The following DACH2 variants were observed in gnomAD, a reference collection of about 807,000 sequenced individuals.
The protein encoded by DACH2 is dachshund family transcription factor 2.
A neutral mutation model predicts 35.8 loss-of-function variants in DACH2; 17 were observed. The ratio of observed to expected loss-of-function variants is 0.48; its 90% CI spans 0.33 to 0.71. The LOEUF is 0.71. DACH2 is among the 30% of genes least tolerant of loss of function. DACH2 has a pLI of 0.02. For missense variants in DACH2, 469 were observed against 472.7 expected (o/e 0.99, Z 0.07); for synonymous variants, 195 against 177.3 (o/e 1.10, Z -0.79).
chrX:86,262,035 C>T (rs1233268791), intron 1 of DACH2, among the ~76,000 whole-genome samples: 1 of 110,296 alleles, frequency 9.1e-6, no homozygotes, highest in African/African-American at 3.3e-5. Flanking sequence ...AATCCCAGCA[C>T]TTTGGGATGC....
chrX:86,642,748 C>G (rs2040362714), intron 3 of DACH2, among the ~76,000 whole-genome samples: 1 of 111,766 alleles, frequency 8.9e-6, no homozygotes, highest in African/African-American at 3.3e-5. Context: ...CAAAATCATT[C>G]CAAACACCTT....
chrX:86,639,028 A>G (rs2040313091), intron 3 of DACH2, among the ~76,000 whole-genome samples: 1 of 112,428 alleles, frequency 8.9e-6, no homozygotes, highest in African/African-American at 3.2e-5. Context: ...TCAATGAATG[A>G]GTGGATAAAG....
rs183278463 is a variant in DACH2, at chrX:86,415,260, G to T, written c.527+38398G>T. 3.6e-5 allele frequency among the ~76,000 whole-genome samples: 4 copies of T among 111,728 alleles called. No individual in the cohort carries two copies. The East Asian group carries it at 1.1e-3, about 32-fold the overall frequency. On this transcript the variant is annotated intron_variant, in intron 2 of 11. Coordinates refer to ENST00000373125, the MANE Select transcript of DACH2 (RefSeq NM_053281.3). ...GATCTTTTCTTTCTTTCTTTTCAAC[G>T]TAGGACTAATTTCTGTAGAAATTTT...
intron 2 of DACH2, among the ~76,000 whole-genome samples, chrX:86,431,105 G>A (rs7889037): frequency 0.088 from 9,721 of 111,074 alleles, 1,069 homozygotes; most frequent in African/African-American, 0.3. Context: ...ATCTAGGCAT[G>A]GTAATCATGT....
chrX:86,237,332 T>G (rs1421479953), intron 1 of DACH2, among the ~76,000 whole-genome samples: 1 of 112,094 alleles, frequency 8.9e-6, no homozygotes, highest in Non-Finnish European at 1.9e-5. Flanking sequence ...AATACATACA[T>G]GAACCAGTAA....
At chrX:86,714,409 C>T in intron 5 of DACH2, 139 bp from the exon 6 acceptor site, 1 of 375,966 alleles carries the variant, frequency 2.7e-6, no homozygotes. Flanking sequence ...AACACAGGTA[C>T]TATTAATGGC....
At chrX:86,207,973 T>G (rs2147910445) in intron 1 of DACH2, among the ~76,000 whole-genome samples, 1 of 111,072 alleles carries the variant, frequency 9.0e-6, no homozygotes. Context: ...TTTCCATTAC[T>G]TCATAGAGGC....
At chrX:86,782,395 A>G (rs1047138429) in intron 7 of DACH2, among the ~76,000 whole-genome samples, 8 of 111,576 alleles carry the variant, frequency 7.2e-5, no homozygotes, top group African/African-American at 2.6e-4. Flanking sequence ...CAAACCAGTT[A>G]CTCTCTTTAA....
rs143261656 is a variant in DACH2, at chrX:86,652,645, G to A, written c.772+1478G>A. Among the ~76,000 whole-genome samples the A allele has an allele frequency of 3.1e-3, 343 of 111,048 alleles. 2 individuals carry two copies. Among genetic ancestry groups the A allele is most frequent in the African/African-American group, 1.0e-2 (307 of 30,714 alleles). On this transcript the variant is annotated intron_variant, in intron 4 of 11. Transcript: ENST00000373125. ...CTTCATAGTAATAGCCGTTCTGACT[G>A]GTGTGAGATGGTATCTTATTGTGGT...
chrX:86,696,981 C>T (rs1197816719), intron 5 of DACH2, among the ~76,000 whole-genome samples: 2 of 111,427 alleles, frequency 1.8e-5, no homozygotes, highest in South Asian at 7.5e-4. Context: ...TTTGCTAGAG[C>T]CTAACTGACC....
intron 1 of DACH2, chrX:86,263,070 C>T (rs992632365): frequency 1.6e-6 from 1 of 620,824 alleles, no homozygotes; most frequent in Non-Finnish European, 1.9e-6. Flanking sequence ...GAGAAAAAAG[C>T]ATCATAATAA....
chrX:86,314,450 C>G (rs1440242123), intron 1 of DACH2, among the ~76,000 whole-genome samples: 4 of 110,363 alleles, frequency 3.6e-5, no homozygotes, highest in South Asian at 7.7e-4. Context: ...CCCAGGGGGT[C>G]GAGGCTGCAG....
At chrX:86,234,748 G>C (rs1010622837) in intron 1 of DACH2, among the ~76,000 whole-genome samples, 1 of 109,027 alleles carries the variant, frequency 9.2e-6, no homozygotes, top group Non-Finnish European at 1.9e-5. Flanking sequence ...TGAATAGCTG[G>C]GATTATGTGT....
intron 1 of DACH2, among the ~76,000 whole-genome samples, chrX:86,228,197 A>T (rs984264021): frequency 1.8e-5 from 2 of 109,958 alleles, no homozygotes; most frequent in Admixed American, 2.0e-4. Flanking sequence ...GCTCCCATAT[A>T]TCAGTGAGAA....
intron 1 of DACH2, among the ~76,000 whole-genome samples, chrX:86,172,487 G>A (rs991552329): frequency 1.8e-5 from 2 of 111,991 alleles, no homozygotes; most frequent in African/African-American, 6.5e-5. Flanking sequence ...ATCCTATGAG[G>A]CAGGTCACCC....
At chrX:86,625,030 C>A (rs1216912514) in intron 3 of DACH2, among the ~76,000 whole-genome samples, 2 of 111,133 alleles carry the variant, frequency 1.8e-5, no homozygotes, top group Non-Finnish European at 3.8e-5. Context: ...TTAATTTGAC[C>A]CATTTGAGTT....
chrX:86,296,380 C>CAAAAAAAAAAAAAAAAAAAAAAAAAAA (rs61713614), intron 1 of DACH2, among the ~76,000 whole-genome samples: 1 of 68,460 alleles, frequency 1.5e-5, no homozygotes, highest in Admixed American at 1.5e-4. Flanking sequence ...GACTCCATCT[C>CAAAAAAAAAAAAAAAAAAAAAAAAAAA]AAAAAAAAAA....
At chrX:86,277,089 G>A (rs1433889710) in intron 1 of DACH2, among the ~76,000 whole-genome samples, 2 of 111,314 alleles carry the variant, frequency 1.8e-5, no homozygotes, top group Non-Finnish European at 3.8e-5. Flanking sequence ...ATTTTGATAG[G>A]GATAGCACTG....
chrX:86,706,515 A>G (rs970391964), intron 5 of DACH2, among the ~76,000 whole-genome samples: 3 of 111,223 alleles, frequency 2.7e-5, no homozygotes, highest in Non-Finnish European at 3.8e-5. Context: ...AATTTTTAAA[A>G]TATTAAAAAT....
Sources: allele counts gnomAD v4.1 joint callset (sites outside exome capture counted in the v4.1 genomes callset), GRCh38; gene constraint gnomAD v4.1.1; transcripts MANE v1.5; gene names NCBI Gene and HGNC (gene_info 2026-07-23, HGNC 2026-07-21).